ROBO2: variants seen among roughly 807,000 people sequenced by gnomAD.
The protein encoded by ROBO2 is roundabout guidance receptor 2.
Under a neutral mutation model 160.8 loss-of-function variants are expected in ROBO2, and 53 were observed. That is an observed-to-expected ratio of 0.33 (90% CI 0.26 to 0.41). ROBO2 has a LOEUF of 0.41. Among genes scored for constraint, ROBO2 ranks in the 10% least tolerant of loss-of-function variants. The probability of loss-of-function intolerance (pLI) is 1.00; values close to 1 mark genes in which losing one functional copy is unlikely to be tolerated. For missense variants in ROBO2, 1,577 were observed against 1,722.4 expected (o/e 0.92, Z 1.49); for synonymous variants, 664 against 611.7 (o/e 1.09, Z -1.26).
intron 2 of ROBO2, among the ~76,000 whole-genome samples, chr3:77,303,444 T>C (rs1454772164): frequency 6.6e-6 from 1 of 152,184 alleles, no homozygotes; most frequent in Non-Finnish European, 1.5e-5. Context: ...CTGTGTGAAA[T>C]ATAAGTATTC....
In ROBO2 at chr3:77,001,893, C is replaced by G. The variant is rs562174062; in HGVS notation, c.110-96121C>G. On this transcript the variant is annotated intron_variant, in intron 2 of 26. Transcript: ENST00000487694. ...AGCTGATCAATGTGAAGGATCCTAT[C>G]TTCTTTTATGTGTTTCCTCACTATT... 3.9e-5 allele frequency among the ~76,000 whole-genome samples: 6 copies of G among 152,270 alleles called. No homozygotes were observed. In the South Asian group the frequency reaches 8.3e-4, roughly 21 times the overall value.
At chr3:76,177,642 A>G (rs2073277629) in intron 2 of ROBO2, among the ~76,000 whole-genome samples, 1 of 151,916 alleles carries the variant, frequency 6.6e-6, no homozygotes, top group Non-Finnish European at 1.5e-5. Context: ...AACTAAGGAG[A>G]TGTTCTATTT....
At chr3:75,977,853 G>T (rs2065172915) in intron 2 of ROBO2, among the ~76,000 whole-genome samples, 1 of 151,420 alleles carries the variant, frequency 6.6e-6, no homozygotes, top group South Asian at 2.1e-4. Context: ...AGACATTCTT[G>T]TATAACGCAT....
At chr3:76,429,030 AAAT>A (rs556412000) in intron 2 of ROBO2, among the ~76,000 whole-genome samples, 197 of 152,302 alleles carry the variant, frequency 1.3e-3, no homozygotes, top group Non-Finnish European at 2.2e-3. Flanking sequence ...CGTAGGATGA[AAAT>A]AATAAGTCTC....
At chr3:77,252,548 C>T (rs2090454761) in intron 2 of ROBO2, among the ~76,000 whole-genome samples, 1 of 151,670 alleles carries the variant, frequency 6.6e-6, no homozygotes, top group Non-Finnish European at 1.5e-5. Context: ...TGGCTCACAC[C>T]TGTAATCCCA....
At chr3:77,342,627 T>C (rs1053591883) in intron 2 of ROBO2, among the ~76,000 whole-genome samples, 1 of 152,078 alleles carries the variant, frequency 6.6e-6, no homozygotes, top group Admixed American at 6.6e-5. Context: ...AGACTCCCCA[T>C]TTGCTGCCAC....
chr3:77,601,921 G>A (rs189132893), intron 19 of ROBO2, among the ~76,000 whole-genome samples: 1 of 152,302 alleles, frequency 6.6e-6, no homozygotes, highest in African/African-American at 2.4e-5. Context: ...ACAACTGAAA[G>A]CATTTTTCTG....
chr3:76,040,272 C>G (rs2067240200), intron 2 of ROBO2, among the ~76,000 whole-genome samples: 1 of 151,402 alleles, frequency 6.6e-6, no homozygotes, highest in South Asian at 2.1e-4. Flanking sequence ...TTTTTGAGTG[C>G]TTCAAATTTA....
chr3:76,745,328 G>A (rs536731356), intron 2 of ROBO2, among the ~76,000 whole-genome samples: 1 of 152,070 alleles, frequency 6.6e-6, no homozygotes, highest in African/African-American at 2.4e-5. Flanking sequence ...TTTACTCCAG[G>A]TTCTTTGATT....
intron 2 of ROBO2, among the ~76,000 whole-genome samples, chr3:76,759,424 T>C (rs2061171834): frequency 6.6e-6 from 1 of 151,822 alleles, no homozygotes; most frequent in Non-Finnish European, 1.5e-5. Flanking sequence ...AAATCATTAA[T>C]TATTACAATG....
At chr3:76,027,500 A>T (rs2066784120) in intron 2 of ROBO2, among the ~76,000 whole-genome samples, 1 of 151,888 alleles carries the variant, frequency 6.6e-6, no homozygotes, top group Non-Finnish European at 1.5e-5. Context: ...AGAGCAACCA[A>T]TGGTGAGCCA....
At chr3:76,965,785 G>GTATATATATATATATA (rs62885160) in intron 2 of ROBO2, among the ~76,000 whole-genome samples, 1,940 of 128,830 alleles carry the variant, frequency 0.015, 19 homozygotes, top group Non-Finnish European at 0.017. Context: ...TTGTGTTTGT[G>GTATATATATATATATA]TATATATATA....
At chr3:77,526,738 C>T (rs1262891875) in intron 6 of ROBO2, among the ~76,000 whole-genome samples, 1 of 151,474 alleles carries the variant, frequency 6.6e-6, no homozygotes, top group Non-Finnish European at 1.5e-5. Flanking sequence ...GAAAGCCGTT[C>T]TCAGTGTGAA....
chr3:76,965,841 C>T (rs2059257800), intron 2 of ROBO2, among the ~76,000 whole-genome samples: 2 of 140,552 alleles, frequency 1.4e-5, no homozygotes, highest in East Asian at 2.1e-4. Flanking sequence ...TTTTTGTGGA[C>T]ACTAGGGAAG....
chr3:76,205,483 C>G (rs1210099081), intron 2 of ROBO2, among the ~76,000 whole-genome samples: 1 of 152,118 alleles, frequency 6.6e-6, no homozygotes, highest in Non-Finnish European at 1.5e-5. Flanking sequence ...AGGCTGCCAC[C>G]ACATGCCCAT....
At chr3:77,039,617 C>A (rs1170698467), upstream of ROBO2, among the ~76,000 whole-genome samples, 2 of 152,122 alleles carry the variant, frequency 1.3e-5, no homozygotes, top group African/African-American at 4.8e-5. Flanking sequence ...GCCGGCGGGG[C>A]TCTCCGAATT....
chr3:76,157,351 C>T (rs1036159115), intron 2 of ROBO2, among the ~76,000 whole-genome samples: 1 of 151,724 alleles, frequency 6.6e-6, no homozygotes, highest in African/African-American at 2.4e-5. Flanking sequence ...TCACTTTGGC[C>T]GGGAAGCAGA....
chr3:76,537,128 G>A (rs1022849991), intron 2 of ROBO2, among the ~76,000 whole-genome samples: 1 of 152,012 alleles, frequency 6.6e-6, no homozygotes, highest in African/African-American at 2.4e-5. Flanking sequence ...GAAAAGGGAG[G>A]ATTCAGAGGA....
intron 2 of ROBO2, among the ~76,000 whole-genome samples, chr3:76,485,492 C>T (rs2875510): frequency 0.25 from 37,962 of 151,898 alleles, 5,653 homozygotes; most frequent in African/African-American, 0.4. Flanking sequence ...CCTAACAGAC[C>T]GCAAACTGGT....
Sources: gnomAD v4.1 joint callset for allele counts (sites outside exome capture counted in the v4.1 genomes callset) on GRCh38, gnomAD v4.1.1 for gene constraint, MANE v1.5 for transcripts, NCBI Gene and HGNC (gene_info 2026-07-23, HGNC 2026-07-21) for gene names.